Variants in ESRRG observed in about 807,000 individuals in gnomAD.
ESRRG encodes estrogen-related receptor gamma.
In ESRRG, 13 loss-of-function variants were observed where a neutral mutation model predicts 44.0. The observed-to-expected ratio is 0.30, with a 90% CI of 0.19 to 0.47. The LOEUF is 0.47. Ranked by LOEUF, ESRRG falls within the 20% of genes least tolerant of loss-of-function variation. The probability of loss-of-function intolerance (pLI) is 1.00; values close to 1 mark genes in which losing one functional copy is unlikely to be tolerated. For synonymous variants in ESRRG, 215 were observed against 214.6 expected, an observed-to-expected ratio of 1.00 and a Z score of -0.02; for missense variants, 395 against 580.6, an observed-to-expected ratio of 0.68 and a Z score of 3.29.
At chr1:217,047,001 A>G (rs1213890469) in intron 1 of ESRRG, among the ~76,000 whole-genome samples, 1 of 152,102 alleles carries the variant, frequency 6.6e-6, no homozygotes, top group Non-Finnish European at 1.5e-5. Flanking sequence ...ATGTAAGTGA[A>G]GGATGTGTTA....
chr1:216,893,328 T>C (rs749296346), intron 2 of ESRRG, among the ~76,000 whole-genome samples: 37 of 152,114 alleles, frequency 2.4e-4, no homozygotes, highest in Non-Finnish European at 4.9e-4. Flanking sequence ...ATCTACACCA[T>C]CCTTTGAGGT....
chr1:217,048,373 T>A (rs913601759), intron 1 of ESRRG, among the ~76,000 whole-genome samples: 1 of 152,046 alleles, frequency 6.6e-6, no homozygotes, highest in African/African-American at 2.4e-5. Flanking sequence ...AGAGCTCAGG[T>A]GCAACGAGGC....
intron 3 of ESRRG, among the ~76,000 whole-genome samples, chr1:216,648,569 G>T (rs189258415): frequency 4.5e-4 from 69 of 152,186 alleles, no homozygotes; most frequent in African/African-American, 1.6e-3. Flanking sequence ...CTTCAGGATT[G>T]TTCCTGCTAG....
At chr1:216,834,123 G>T (rs924817407) in intron 2 of ESRRG, among the ~76,000 whole-genome samples, 49 of 152,140 alleles carry the variant, frequency 3.2e-4, no homozygotes, top group Non-Finnish European at 7.4e-5. Flanking sequence ...ACTTAGGGAC[G>T]GGTGCTGTGG....
intron 3 of ESRRG, among the ~76,000 whole-genome samples, chr1:216,641,961 A>C (rs2066518424): frequency 6.6e-6 from 1 of 152,198 alleles, no homozygotes; most frequent in Non-Finnish European, 1.5e-5. Flanking sequence ...CAAAGCACTG[A>C]AGAGAGCCAT....
At chr1:217,100,325 C>T (rs1376532893) in intron 1 of ESRRG, among the ~76,000 whole-genome samples, 1 of 152,158 alleles carries the variant, frequency 6.6e-6, no homozygotes, top group African/African-American at 2.4e-5. Context: ...CCAGGCTGAC[C>T]CCAACACTCT....
At chr1:216,611,391 T>C (rs142794000) in intron 3 of ESRRG, among the ~76,000 whole-genome samples, 1 of 152,130 alleles carries the variant, frequency 6.6e-6, no homozygotes. Context: ...ATACCAGATC[T>C]TAGCAGGGAG....
chr1:216,879,801 C>T (rs2149301756), intron 2 of ESRRG, among the ~76,000 whole-genome samples: 1 of 152,226 alleles, frequency 6.6e-6, no homozygotes, highest in Non-Finnish European at 1.5e-5. Context: ...CTCCCACTGC[C>T]CTTTTCCAAA....
At chr1:216,541,759 G>C (rs1453177403) in intron 5 of ESRRG, among the ~76,000 whole-genome samples, 1 of 151,974 alleles carries the variant, frequency 6.6e-6, no homozygotes, top group East Asian at 1.9e-4. Flanking sequence ...TTCTACGTCT[G>C]TAATCATTTT....
rs1182733595 is a variant in ESRRG, at chr1:216,505,755, T to G, written c.*1184A>C. The G allele has an allele frequency of 6.6e-6, 1 of 152,590 alleles. No individual in the cohort carries two copies. The highest frequency in any genetic ancestry group is 2.1e-4 in the South Asian group (1 of 4,830). 9.5% of individuals were successfully genotyped at this position (152,590 alleles called of 1,614,324 possible). On this transcript the variant is annotated 3_prime_UTR_variant, in exon 7 of 7. Coordinates refer to ENST00000408911, the MANE Select transcript of ESRRG (RefSeq NM_001438.4). ...TAAACTGGAGCTCATGTTAAGAAATTGATGTTTGGGACCAGACTGGCACAC... is the reference window on the plus strand; with the variant it reads ...TAAACTGGAGCTCATGTTAAGAAATGGATGTTTGGGACCAGACTGGCACAC...
chr1:216,812,975 A>G (rs1178310078), intron 2 of ESRRG, among the ~76,000 whole-genome samples: 2 of 152,188 alleles, frequency 1.3e-5, no homozygotes, highest in Admixed American at 1.3e-4. Context: ...TATTGGAATA[A>G]TTACAAAACA....
chr1:217,081,928 A>G (rs1013497985), intron 1 of ESRRG, among the ~76,000 whole-genome samples: 1 of 152,376 alleles, frequency 6.6e-6, no homozygotes, highest in Non-Finnish European at 1.5e-5. Context: ...TGAGATAAAG[A>G]ACACAATTAC....
At chr1:217,090,964 G>A (rs1234618236), upstream of ESRRG, among the ~76,000 whole-genome samples, 1 of 152,172 alleles carries the variant, frequency 6.6e-6, no homozygotes, top group Non-Finnish European at 1.5e-5. Context: ...TGGCCACATG[G>A]CAGGTAAAGC....
chr1:216,770,527 C>A (rs182861459), intron 2 of ESRRG, among the ~76,000 whole-genome samples: 1 of 151,812 alleles, frequency 6.6e-6, no homozygotes, highest in Non-Finnish European at 1.5e-5. Flanking sequence ...AGTAGAAGAT[C>A]GATATCTTTC....
intron 1 of ESRRG, among the ~76,000 whole-genome samples, chr1:217,024,686 CCTGA>C (rs2080916804): frequency 6.6e-6 from 1 of 152,152 alleles, no homozygotes; most frequent in Non-Finnish European, 1.5e-5. Flanking sequence ...TTTAGTTCTC[CCTGA>C]CTATGTCTCA....
intron 2 of ESRRG, among the ~76,000 whole-genome samples, chr1:216,899,015 C>T (rs1180365473): frequency 5.3e-5 from 8 of 152,098 alleles, no homozygotes; most frequent in Admixed American, 5.2e-4. Context: ...TGGCAGGATC[C>T]TGAGTCACAG....
intron 3 of ESRRG, among the ~76,000 whole-genome samples, chr1:216,584,247 T>A (rs1426011483): frequency 1.3e-5 from 2 of 151,102 alleles, no homozygotes; most frequent in Non-Finnish European, 1.5e-5. Flanking sequence ...TCTATTTTTT[T>A]AAAAAACTTA....
Position 216,779,730 on chromosome 1 carries a change from T to A in ESRRG, c.-13-102239A>T, listed in dbSNP as rs1298863955. Among the ~76,000 whole-genome samples, 5 of 149,080 alleles carry A rather than the reference T, an allele frequency of 3.4e-5. No homozygotes were observed. In the Admixed American group the frequency reaches 3.5e-4, roughly 10 times the overall value. ...AATTTAGTCACAAATATTGAGGTAA[T>A]TAGAAGTATCTTTGGGATCACAAAA... On this transcript the variant is annotated intron_variant, in intron 2 of 7. Transcript: ENST00000359162.
intron 1 of ESRRG, among the ~76,000 whole-genome samples, chr1:216,981,181 T>C (rs2073908735): frequency 6.6e-6 from 1 of 152,226 alleles, no homozygotes. Context: ...GTTATGTATA[T>C]ATCTGTCTTT....
Sources: allele counts gnomAD v4.1 joint callset (sites outside exome capture counted in the v4.1 genomes callset), GRCh38; gene constraint gnomAD v4.1.1; transcripts MANE v1.5; gene names NCBI Gene and HGNC (gene_info 2026-07-23, HGNC 2026-07-21).